FER1L6: variants seen among roughly 807,000 people sequenced by gnomAD.
FER1L6 encodes fer-1 like family member 6.
In FER1L6, 177 loss-of-function variants were observed where a neutral mutation model predicts 219.2. The ratio of observed to expected loss-of-function variants is 0.81; its 90% CI spans 0.71 to 0.91. The LOEUF (loss-of-function observed/expected upper bound fraction) is 0.91, where lower values mean the gene tolerates loss of function less well. Among genes scored for constraint, FER1L6 ranks in the 40% least tolerant of loss-of-function variants. FER1L6 has a pLI of 0.00. For missense variants in FER1L6, 2,153 were observed against 2,259.9 expected, an observed-to-expected ratio of 0.95 and a Z score of 0.96; for synonymous variants, 768 against 824.3, an observed-to-expected ratio of 0.93 and a Z score of 1.17.
At chr8:123,917,657 G>T (rs534610141) in intron 1 of FER1L6, among the ~76,000 whole-genome samples, 1 of 152,162 alleles carries the variant, frequency 6.6e-6, no homozygotes, top group Non-Finnish European at 1.5e-5. Flanking sequence ...AAGGTGTAAA[G>T]ACAAAAAGTA....
chr8:124,060,827 A>C (rs777670510), intron 24 of FER1L6, 118 bp downstream of exon 24: 345 of 1,153,584 alleles, frequency 3.0e-4, no homozygotes, highest in Middle Eastern at 1.8e-3. Flanking sequence ...AAAAGCCAGA[A>C]TTTCAGAATG....
intron 1 of FER1L6, among the ~76,000 whole-genome samples, chr8:123,885,125 G>C (rs1817177680): frequency 6.6e-6 from 1 of 152,118 alleles, no homozygotes; most frequent in South Asian, 2.1e-4. Context: ...GGGGAGAGGG[G>C]ATTCCATCCT....
At chr8:123,980,833 T>C in intron 11 of FER1L6, 22 bp downstream of exon 11, 2 of 1,586,162 alleles carry the variant, frequency 1.3e-6, no homozygotes, top group Non-Finnish European at 1.7e-6. Context: ...CACTGCATTA[T>C]GGTACTTTAC....
chr8:123,889,733 G>T (rs571155489), intron 1 of FER1L6, among the ~76,000 whole-genome samples: 1 of 152,180 alleles, frequency 6.6e-6, no homozygotes, highest in Admixed American at 6.5e-5. Context: ...ACTTGAGAAG[G>T]TTATTTATGA....
Position 123,980,692 on chromosome 8 carries a change from T to C in FER1L6, c.1291T>C (p.Ser431Pro). ...ELKLPSKDKD[S>P]KSSKGKDKAD... ...CAAGTTGCCTTCCAAGGACAAAGACTCCAAATCTTCCAAAGGTAAAGACAA... is the reference window on the plus strand; with the variant it reads ...CAAGTTGCCTTCCAAGGACAAAGACCCCAAATCTTCCAAAGGTAAAGACAA... The change falls in exon 11 of 41, where the codon TCC (serine) becomes CCC (proline). Residue 431 changes from serine (S) to proline (P), a missense_variant. Transcript: ENST00000522917. 1 of 1,614,060 alleles carries C rather than the reference T, an allele frequency of 6.2e-7. No individual in the cohort carries two copies. The highest frequency in any genetic ancestry group is 8.5e-7 in the Non-Finnish European group (1 of 1,179,982).
At chr8:123,961,927 C>A (rs1815302496) in intron 2 of FER1L6, among the ~76,000 whole-genome samples, 1 of 137,670 alleles carries the variant, frequency 7.3e-6, no homozygotes, top group African/African-American at 2.7e-5. Context: ...CTCGCTCTGT[C>A]TCCCTAGGCT....
At chr8:123,971,980 G>A (rs1815842336) in intron 6 of FER1L6, among the ~76,000 whole-genome samples, 1 of 152,232 alleles carries the variant, frequency 6.6e-6, no homozygotes, top group Admixed American at 6.5e-5. Context: ...AGATTTGTTT[G>A]GGGCTCTTGC....
At position 123,855,788 on chromosome 8, in the gene FER1L6, GTA is replaced by G. The variant is rs750993470; in HGVS notation, c.-8+3617_-8+3618del. Among the ~76,000 whole-genome samples the G allele has an allele frequency of 8.5e-3, 1,218 of 143,786 alleles. 10 individuals are homozygous for G. Among genetic ancestry groups the G allele is most frequent in the East Asian group, 0.036 (183 of 5,026 alleles). The allele number at this position is 143,786 out of a possible 152,430, so 94.3% of individuals were successfully genotyped here. A position where few individuals can be genotyped will look rare whatever the true frequency, so the allele number is the denominator to read the frequency against. On this transcript the variant is annotated intron_variant, in intron 1 of 40. Coordinates refer to ENST00000522917, the MANE Select transcript of FER1L6 (RefSeq NM_001039112.2). The stretch of plus-strand genomic sequence containing the variant: ...TGTGTGTATATATATGTGTGTGTGT[GTA>G]TATATATATATATGTGTATATATAT...
In FER1L6 at chr8:124,061,995, C is replaced by T. The variant is rs138658749; in HGVS notation, c.3291C>T (p.Ala1097=). 5.4e-4 allele frequency: 876 copies of T among 1,614,120 alleles called. 3 individuals are homozygous for T. The African/African-American group carries it at 0.01, about 19-fold the overall frequency. Residue 1097 remains alanine (A), a synonymous_variant, in exon 25 of 41, where the codon GCC becomes GCT. Transcript: ENST00000522917. ...TGTGTAAACTCAGAGAGCCCCTTGC[C>T]CCCATCACACAGGTGGATGGAACCC... ...QFLCKLREPL[A]PITQVDGTQP...
At position 123,960,521 on chromosome 8, in the gene FER1L6, A is replaced by G. The variant is rs546591931; in HGVS notation, c.77-2757A>G. ...CCAGGAAACCTATCCTTCCTAGACTAGTGTGTCACAAACTACCACTAACTC... is the reference window on the plus strand; with the variant it reads ...CCAGGAAACCTATCCTTCCTAGACTGGTGTGTCACAAACTACCACTAACTC... On this transcript the variant is annotated intron_variant, in intron 2 of 40. Transcript: ENST00000522917. 1.1e-3 allele frequency among the ~76,000 whole-genome samples: 164 copies of G among 152,316 alleles called. 1 individual carries two copies. The highest frequency in any genetic ancestry group is 7.0e-3 in the South Asian group (34 of 4,828).
chr8:123,869,393 A>G (rs1022480465), intron 1 of FER1L6, among the ~76,000 whole-genome samples: 4 of 152,108 alleles, frequency 2.6e-5, no homozygotes, highest in African/African-American at 4.8e-5. Context: ...CTTCATCTGG[A>G]GATCCTTCCA....
At chr8:123,998,667 C>T (rs552455973) in intron 12 of FER1L6, among the ~76,000 whole-genome samples, 16 of 152,252 alleles carry the variant, frequency 1.1e-4, no homozygotes, top group African/African-American at 3.6e-4. Flanking sequence ...CCCCTGGCCC[C>T]AGATGGGTCC....
chr8:124,070,744 A>G, intron 30 of FER1L6, 146 bp downstream of exon 30: 1 of 653,384 alleles, frequency 1.5e-6, no homozygotes, highest in Non-Finnish European at 2.4e-6. Flanking sequence ...GAACTCCACA[A>G]AACCTAGCCC....
At chr8:124,116,085 C>T (rs1482585999) in intron 39 of FER1L6, among the ~76,000 whole-genome samples, 2 of 152,178 alleles carry the variant, frequency 1.3e-5, no homozygotes, top group Non-Finnish European at 2.9e-5. Context: ...TCTTCCAGAA[C>T]AAGTTGTCAC....
chr8:123,915,981 T>G (rs1292775903), intron 1 of FER1L6, among the ~76,000 whole-genome samples: 2 of 152,166 alleles, frequency 1.3e-5, no homozygotes, highest in Admixed American at 6.5e-5. Context: ...ATTTTGCATA[T>G]TTTGCTGGTA....
intron 2 of FER1L6, among the ~76,000 whole-genome samples, chr8:123,959,714 T>C (rs1029375847): frequency 6.6e-6 from 1 of 152,080 alleles, no homozygotes; most frequent in African/African-American, 2.4e-5. Flanking sequence ...TTGATGGGTT[T>C]AAAAGGTGAG....
At chr8:124,109,138 C>T (rs190519849) in intron 39 of FER1L6, among the ~76,000 whole-genome samples, 51 of 152,114 alleles carry the variant, frequency 3.4e-4, no homozygotes, top group African/African-American at 1.2e-3. Context: ...GAGAGGAGCT[C>T]CTTGAGAGAG....
At chr8:124,019,687 T>C (rs1818370500) in intron 16 of FER1L6, among the ~76,000 whole-genome samples, 1 of 152,252 alleles carries the variant, frequency 6.6e-6, no homozygotes, top group Admixed American at 6.5e-5. Context: ...GGAGCTCTGT[T>C]AGACACTGAG....
intron 20 of FER1L6, among the ~76,000 whole-genome samples, chr8:124,044,547 A>G (rs1052632696): frequency 6.6e-6 from 1 of 152,218 alleles, no homozygotes; most frequent in Non-Finnish European, 1.5e-5. Context: ...AGTCCAGGCC[A>G]GGTCTCCCTC....
Sources: allele counts gnomAD v4.1 joint callset (sites outside exome capture counted in the v4.1 genomes callset), GRCh38; gene constraint gnomAD v4.1.1; transcripts MANE v1.5; gene names NCBI Gene and HGNC (gene_info 2026-07-23, HGNC 2026-07-21).